Variants in CIT observed in about 807,000 individuals in gnomAD.
The protein encoded by CIT is citron Rho-interacting kinase.
Under a neutral mutation model 272.7 loss-of-function variants are expected in CIT, and 79 were observed. That is an observed-to-expected ratio of 0.29 (90% CI 0.24 to 0.35). CIT has a LOEUF of 0.35. Among genes scored for constraint, CIT ranks in the 10% least tolerant of loss-of-function variants. The pLI, the probability that CIT is intolerant of heterozygous loss-of-function variation, is 1.00. For missense variants in CIT, 1,909 were observed against 2,618.3 expected (o/e 0.73, Z 5.91); for synonymous variants, 948 against 995.6 (o/e 0.95, Z 0.90).
At chr12:119,772,606 C>T (rs1234886684) in intron 17 of CIT, among the ~76,000 whole-genome samples, 164 bp downstream of exon 17, 5 of 152,228 alleles carry the variant, frequency 3.3e-5, no homozygotes, top group African/African-American at 1.2e-4. Context: ...ATCTTTCTTT[C>T]CCCTGGGGGG....
chr12:119,850,661 T>C (rs780446815), intron 4 of CIT, among the ~76,000 whole-genome samples: 11 of 152,214 alleles, frequency 7.2e-5, no homozygotes, highest in Non-Finnish European at 1.3e-4. Flanking sequence ...TAAACTACCT[T>C]TCTTTAAATG....
At position 119,822,991 on chromosome 12, in the gene CIT, A is replaced by G. The variant is rs572476140; in HGVS notation, c.958-18T>C. 6.3e-5 allele frequency: 101 copies of G among 1,599,516 alleles called. No individual in the cohort carries two copies. Among genetic ancestry groups the G allele is most frequent in the Admixed American group, 8.9e-5 (5 of 56,098 alleles). ...AAAAACCGCTGTTCCAAAAAAAATA[A>G]GAGAATTATTTCCTTAGTAGGGATT... is the stretch of plus-strand genomic sequence containing the variant. On this transcript the variant is annotated intron_variant, in intron 8 of 47. Transcript: ENST00000392521.
At chr12:119,742,144 T>C (rs936150676) in intron 24 of CIT, among the ~76,000 whole-genome samples, 1 of 152,150 alleles carries the variant, frequency 6.6e-6, no homozygotes, top group Non-Finnish European at 1.5e-5. Context: ...ACCTATTAGT[T>C]GTTCCACTAA....
intron 23 of CIT, among the ~76,000 whole-genome samples, chr12:119,745,104 C>T (rs1480449144): frequency 6.7e-6 from 1 of 148,458 alleles, no homozygotes; most frequent in Non-Finnish European, 1.5e-5. Flanking sequence ...CCCACAGATG[C>T]AAAATATTCA....
At chr12:119,787,490 G>T (rs1566044139) in intron 10 of CIT, among the ~76,000 whole-genome samples, 1 of 151,256 alleles carries the variant, frequency 6.6e-6, no homozygotes, top group African/African-American at 2.4e-5. Flanking sequence ...TCAGCACTTT[G>T]GGGGGCCGAG....
intron 28 of CIT, among the ~76,000 whole-genome samples, chr12:119,725,558 G>A (rs1958047974): frequency 6.6e-6 from 1 of 152,216 alleles, no homozygotes; most frequent in Admixed American, 6.5e-5. Flanking sequence ...GGACAATAAA[G>A]AGCATTCTTT....
At chr12:119,850,668 A>T (rs1970165207) in intron 4 of CIT, among the ~76,000 whole-genome samples, 1 of 152,158 alleles carries the variant, frequency 6.6e-6, no homozygotes, top group African/African-American at 2.4e-5. Context: ...CCTTTCTTTA[A>T]ATGTAAATAT....
chr12:119,701,033 A>G (rs1956530743), intron 43 of CIT: 1 of 305,996 alleles, frequency 3.3e-6, no homozygotes, highest in African/African-American at 2.2e-5. Flanking sequence ...TTAATTTATT[A>G]AATTTTATTA....
At chr12:119,832,732 A>C in intron 7 of CIT, 39 bp downstream of exon 7, 2 of 1,507,286 alleles carry the variant, frequency 1.3e-6, no homozygotes, top group Non-Finnish European at 1.8e-6. Flanking sequence ...AATACTTTTT[A>C]GTATAAACTC....
At chr12:119,841,697 A>G (rs745732347) in intron 5 of CIT, among the ~76,000 whole-genome samples, 20 of 152,230 alleles carry the variant, frequency 1.3e-4, no homozygotes, top group Non-Finnish European at 2.2e-4. Flanking sequence ...ATCTATAGAA[A>G]AAGAATTTGC....
At chr12:119,757,335 A>C (rs374483489) in intron 22 of CIT, 36 bp downstream of exon 22, 27 of 1,610,636 alleles carry the variant, frequency 1.7e-5, no homozygotes, top group Non-Finnish European at 2.3e-5. Flanking sequence ...CGAATCGCCC[A>C]GCAAATCCTC....
At chr12:119,874,218 C>T (rs373666020) in intron 2 of CIT, among the ~76,000 whole-genome samples, 1 of 152,212 alleles carries the variant, frequency 6.6e-6, no homozygotes, top group East Asian at 1.9e-4. Context: ...CAGGTACATG[C>T]GACCACCATG....
At chr12:119,774,286 GTT>G (rs961325069) in intron 16 of CIT, among the ~76,000 whole-genome samples, 1 of 146,772 alleles carries the variant, frequency 6.8e-6, no homozygotes. Context: ...ATGTTATGTG[GTT>G]TTTTTTTTTA....
At chr12:119,762,190 G>C (rs1453983224) in intron 19 of CIT, among the ~76,000 whole-genome samples, 2 of 152,106 alleles carry the variant, frequency 1.3e-5, no homozygotes, top group African/African-American at 4.8e-5. Flanking sequence ...GTCCACAGGA[G>C]AAAGAAAGGA....
chr12:119,768,194 G>A lies in CIT; in HGVS notation c.2209-1012C>T, dbSNP rs1439967577. Among the ~76,000 whole-genome samples the A allele has an allele frequency of 3.3e-5, 5 of 152,136 alleles. No homozygotes were observed. Among genetic ancestry groups the A allele is most frequent in the African/African-American group, 1.2e-4 (5 of 41,438 alleles). ...CCCAAAGTGCTGGGATTACAGGCAC[G>A]AGCCACCATGCCTGACCAAGTTTCT... On this transcript the variant is annotated intron_variant, in intron 18 of 47. Coordinates refer to ENST00000392521, the MANE Select transcript of CIT (RefSeq NM_001206999.2). This position sits in a 1 kb window ranked among gnomAD's most constrained non-coding sequence, Gnocchi z 4.3.
intron 32 of CIT, among the ~76,000 whole-genome samples, chr12:119,717,423 T>C (rs1422263861): frequency 1.7e-4 from 9 of 53,894 alleles, no homozygotes; most frequent in African/African-American, 4.0e-4. Context: ...TCTTTTCTTT[T>C]TTTTTTTTTT....
In CIT at chr12:119,710,593, G is replaced by A; in HGVS notation, c.4882C>T (p.Leu1628=). The change falls in exon 38 of 48, where the codon CTG becomes TTG. Residue 1628 remains leucine (L), a synonymous_variant. Coordinates refer to ENST00000392521, the MANE Select transcript of CIT (RefSeq NM_001206999.2). The surrounding 1 kb of genome is among the most constrained non-coding windows in gnomAD (Gnocchi z 5.6). ...ATGTCTAGACGGTCATCACCTTCCA[G>A]TTTCAGCAGGGAGTTTCCAAGCAGT... ...AKLLGNSLLK[L]EGDDRLDMNC... 1 of 1,614,186 alleles carries A rather than the reference G, an allele frequency of 6.2e-7. No individual in the cohort carries two copies.
In CIT at chr12:119,734,144, C is replaced by G; in HGVS notation, c.3350+20G>C. ...CCTGCGGTCACCTGTCATGAGCTTT[C>G]CACAAACACAAAGCCCCACCTGCTC... On this transcript the variant is annotated intron_variant, in intron 26 of 47. Transcript: ENST00000392521. The G allele has an allele frequency of 6.2e-7, 1 of 1,611,798 alleles. No individual in the cohort carries two copies. The highest frequency in any genetic ancestry group is 1.1e-5 in the South Asian group (1 of 90,956).
At chr12:119,815,755 T>A (rs1483831140) in intron 9 of CIT, among the ~76,000 whole-genome samples, 1 of 151,878 alleles carries the variant, frequency 6.6e-6, no homozygotes, top group Admixed American at 6.6e-5. Context: ...AAAGATGTTG[T>A]TAAGAGGATA....
Sources: gnomAD v4.1 joint callset for allele counts (sites outside exome capture counted in the v4.1 genomes callset) on GRCh38, gnomAD v4.1.1 for gene constraint, Gnocchi (gnomAD v3.1) non-coding constraint, MANE v1.5 for transcripts, NCBI Gene and HGNC (gene_info 2026-07-23, HGNC 2026-07-21) for gene names.